TRAPPC3: variants seen among roughly 807,000 people sequenced by gnomAD.
TRAPPC3 encodes the protein trafficking protein particle complex 3.
A neutral mutation model predicts 18.2 loss-of-function variants in TRAPPC3; 5 were observed. The ratio of observed to expected loss-of-function variants is 0.28; its 90% CI spans 0.14 to 0.58. The LOEUF is 0.58. Among genes scored for constraint, TRAPPC3 ranks in the 20% least tolerant of loss-of-function variants. The pLI is 0.91. For missense variants in TRAPPC3, 176 were observed against 225.9 expected (o/e 0.78, Z 1.41); for synonymous variants, 65 against 84.2 (o/e 0.77, Z 1.25).
At chr1:36,155,096 G>C (rs1644306234) in intron 1 of TRAPPC3, among the ~76,000 whole-genome samples, 1 of 152,224 alleles carries the variant, frequency 6.6e-6, no homozygotes, top group Non-Finnish European at 1.5e-5. Flanking sequence ...ATCTCACTGG[G>C]CCTAATCTCT....
rs558641018 is a variant in TRAPPC3, at chr1:36,142,880, A to G, written c.43-2714T>C. The stretch of plus-strand genomic sequence containing the variant: ...CCCCAACTTTACAAAAAAATTTTAA[A>G]AATCAGCCAGGCATGGTGGTGGATG... On this transcript the variant is annotated intron_variant, in intron 1 of 4. Transcript: ENST00000373166. Among the ~76,000 whole-genome samples the G allele has an allele frequency of 2.0e-5, 3 of 152,006 alleles. No homozygotes were observed. In the South Asian group the frequency reaches 6.2e-4, roughly 32 times the overall value.
intron 2 of TRAPPC3, 65 bp downstream of exon 2, chr1:36,140,004 G>A (rs979832751): frequency 6.7e-7 from 1 of 1,481,760 alleles, no homozygotes; most frequent in Non-Finnish European, 9.1e-7. Context: ...AGCTCTAAAG[G>A]ACAATGTAGA....
At chr1:36,155,800 C>T (rs908146481) in intron 1 of TRAPPC3, 1 of 152,434 alleles carries the variant, frequency 6.6e-6, no homozygotes, top group African/African-American at 2.4e-5. Context: ...CCCCCAAACT[C>T]CAGGGTGGGA....
At chr1:36,144,289 C>CAAAAAAAA (rs58378686) in intron 1 of TRAPPC3, among the ~76,000 whole-genome samples, 788 of 57,332 alleles carry the variant, frequency 0.014, 53 homozygotes, top group African/African-American at 0.065. Flanking sequence ...ACCCTGTCTC[C>CAAAAAAAA]AAAAAAAAAA....
At chr1:36,145,922 C>T (rs561192985) in intron 1 of TRAPPC3, among the ~76,000 whole-genome samples, 62 of 151,654 alleles carry the variant, frequency 4.1e-4, no homozygotes, top group African/African-American at 1.5e-3. Context: ...TACAGGCGGC[C>T]GCCACCACGC....
chr1:36,145,842 C>T (rs972433279), intron 1 of TRAPPC3, among the ~76,000 whole-genome samples: 2 of 152,148 alleles, frequency 1.3e-5, no homozygotes, highest in East Asian at 1.9e-4. Flanking sequence ...AGCGCGATCT[C>T]GGCTCACTGC....
At chr1:36,137,694 G>T in intron 4 of TRAPPC3, 102 bp downstream of exon 4, 1 of 1,259,048 alleles carries the variant, frequency 7.9e-7, no homozygotes, top group Non-Finnish European at 1.1e-6. Flanking sequence ...TAAAGCGCTG[G>T]GGTGAGCCAA....
chr1:36,151,531 A>G (rs1644271988), upstream of TRAPPC3, among the ~76,000 whole-genome samples: 1 of 152,098 alleles, frequency 6.6e-6, no homozygotes, highest in Admixed American at 6.5e-5. Context: ...AGATTGCTTG[A>G]GCCCAGGAGG....
At chr1:36,146,300 CTTT>C (rs35602639) in intron 1 of TRAPPC3, among the ~76,000 whole-genome samples, 5 of 130,322 alleles carry the variant, frequency 3.8e-5, no homozygotes, top group Non-Finnish European at 4.9e-5. Flanking sequence ...GATGGTCTCT[CTTT>C]TTTTTTTTTT....
At chr1:36,141,361 A>C (rs867100856) in intron 1 of TRAPPC3, among the ~76,000 whole-genome samples, 1 of 151,784 alleles carries the variant, frequency 6.6e-6, no homozygotes, top group Non-Finnish European at 1.5e-5. Context: ...AACCACCCAC[A>C]CTCTTCCTTC....
At chr1:36,137,366 G>C (rs1225978844) in intron 4 of TRAPPC3, 44 bp from the exon 5 acceptor site, 1 of 1,590,592 alleles carries the variant, frequency 6.3e-7, no homozygotes. Context: ...CCTGGCCACA[G>C]CCTCTAGGGA....
intron 3 of TRAPPC3, chr1:36,138,265 C>G (rs1288319258): frequency 3.3e-6 from 5 of 1,537,500 alleles, no homozygotes; most frequent in Non-Finnish European, 4.4e-6. Context: ...ACAACTCACT[C>G]ACTGTGTGCT....
chr1:36,152,676 A>C (rs1428052740), upstream of TRAPPC3, among the ~76,000 whole-genome samples: 1 of 151,072 alleles, frequency 6.6e-6, no homozygotes, highest in Non-Finnish European at 1.5e-5. Context: ...CTTTTTTTAG[A>C]CAGGGTCTCT....
At chr1:36,149,516 G>T, upstream of TRAPPC3, 1 of 1,129,558 alleles carries the variant, frequency 8.9e-7, no homozygotes, top group Non-Finnish European at 1.3e-6. Context: ...GCCTCCCGCG[G>T]GGCACCACGG....
intron 4 of TRAPPC3, 53 bp from the exon 5 acceptor site, chr1:36,137,375 G>A (rs1167503286): frequency 4.4e-6 from 7 of 1,581,212 alleles, no homozygotes; most frequent in Non-Finnish European, 6.1e-6. Context: ...AGCCTCTAGG[G>A]AACCAGTGGG....
chr1:36,138,306 T>G (rs1644055972), intron 3 of TRAPPC3: 5 of 1,517,198 alleles, frequency 3.3e-6, no homozygotes, highest in African/African-American at 1.4e-5. Context: ...AGCACTAGTC[T>G]TTCGACACGG....
intron 1 of TRAPPC3, among the ~76,000 whole-genome samples, chr1:36,145,823 G>A (rs750229768): frequency 3.3e-5 from 5 of 152,128 alleles, no homozygotes; most frequent in Non-Finnish European, 7.4e-5. Context: ...GCCCAGGCTG[G>A]AGTGCAGTAG....
At chr1:36,138,795 C>T (rs1644062945) in intron 3 of TRAPPC3, among the ~76,000 whole-genome samples, 1 of 151,992 alleles carries the variant, frequency 6.6e-6, no homozygotes, top group East Asian at 1.9e-4. Flanking sequence ...CTTTGGGAGG[C>T]CGAGGTGGGC....
chr1:36,148,411 A>G (rs1420100680), intron 1 of TRAPPC3, among the ~76,000 whole-genome samples: 1 of 152,202 alleles, frequency 6.6e-6, no homozygotes, highest in African/African-American at 2.4e-5. Flanking sequence ...CCTGGCCAAC[A>G]TGGTGAAACC....
Sources: gnomAD v4.1 joint callset for allele counts (sites outside exome capture counted in the v4.1 genomes callset) on GRCh38, gnomAD v4.1.1 for gene constraint, MANE v1.5 for transcripts, NCBI Gene and HGNC (gene_info 2026-07-23, HGNC 2026-07-21) for gene names.